Variants in ITPKB observed in about 807,000 individuals in gnomAD.
The protein encoded by ITPKB is inositol-trisphosphate 3-kinase B.
In ITPKB, 13 loss-of-function variants were observed where a neutral mutation model predicts 69.4. The observed-to-expected ratio is 0.19, with a 90% CI of 0.12 to 0.30. ITPKB has a LOEUF of 0.30. Among genes scored for constraint, ITPKB ranks in the 10% least tolerant of loss-of-function variants. The pLI is 1.00. For missense variants in ITPKB, 1,240 were observed against 1,250.5 expected, an observed-to-expected ratio of 0.99 and a Z score of 0.13; for synonymous variants, 584 against 513.7, an observed-to-expected ratio of 1.14 and a Z score of -1.85.
At chr1:226,707,489 G>A (rs929677447) in intron 2 of ITPKB, 36 of 977,302 alleles carry the variant, frequency 3.7e-5, no homozygotes, top group African/African-American at 7.0e-5. Context: ...GAGCCACTGC[G>A]CCTGGCCAAT....
chr1:226,684,306 T>C (rs74991754), intron 2 of ITPKB, among the ~76,000 whole-genome samples: 2,695 of 152,198 alleles, frequency 0.018, 39 homozygotes, highest in African/African-American at 0.035. Context: ...ATACTCACTG[T>C]CCAGCTGGCC....
chr1:226,658,712 T>C (rs976123265), intron 2 of ITPKB, among the ~76,000 whole-genome samples: 5 of 152,170 alleles, frequency 3.3e-5, no homozygotes, highest in Admixed American at 6.5e-5. Context: ...ACAGCGCTGC[T>C]CACCAGGCAC....
At chr1:226,700,247 G>T (rs1320197719) in intron 2 of ITPKB, among the ~76,000 whole-genome samples, 1 of 152,020 alleles carries the variant, frequency 6.6e-6, no homozygotes, top group Non-Finnish European at 1.5e-5. Context: ...CAGGCAGGCG[G>T]ATCACAAGGT....
intron 2 of ITPKB, among the ~76,000 whole-genome samples, chr1:226,689,189 G>A (rs1656286576): frequency 2.0e-5 from 3 of 152,206 alleles, no homozygotes; most frequent in East Asian, 1.9e-4. Context: ...GGGCAATGAC[G>A]AAAAAAGTAA....
intron 2 of ITPKB, among the ~76,000 whole-genome samples, chr1:226,692,079 C>T (rs1205143427): frequency 1.3e-5 from 2 of 152,200 alleles, no homozygotes; most frequent in Non-Finnish European, 2.9e-5. Context: ...CAAGGGCCTA[C>T]TACATGCAAG....
intron 2 of ITPKB, among the ~76,000 whole-genome samples, chr1:226,683,170 G>A (rs940756943): frequency 6.6e-5 from 10 of 152,210 alleles, no homozygotes; most frequent in African/African-American, 2.4e-4. Flanking sequence ...GGGAATGTGT[G>A]ACAACTGTCC....
At chr1:226,725,439 A>G (rs1293844765) in intron 2 of ITPKB, among the ~76,000 whole-genome samples, 1 of 152,262 alleles carries the variant, frequency 6.6e-6, no homozygotes, top group Non-Finnish European at 1.5e-5. Flanking sequence ...GGCACCCAGT[A>G]TATATCTACT....
chr1:226,692,290 T>C (rs1656376692), intron 2 of ITPKB, among the ~76,000 whole-genome samples: 1 of 152,126 alleles, frequency 6.6e-6, no homozygotes, highest in Admixed American at 6.5e-5. Context: ...TAATCCTGCT[T>C]GCCTGGCTTC....
At chr1:226,723,470 G>A (rs1657306057) in intron 2 of ITPKB, among the ~76,000 whole-genome samples, 1 of 152,172 alleles carries the variant, frequency 6.6e-6, no homozygotes, top group Non-Finnish European at 1.5e-5. Context: ...GCGGCACAGA[G>A]AAGAGACGAA....
chr1:226,711,442 AGTGT>A (rs57531406), intron 2 of ITPKB, among the ~76,000 whole-genome samples: 2,497 of 102,210 alleles, frequency 0.024, 27 homozygotes, highest in Middle Eastern at 0.035. Context: ...AGAGAGAGAG[AGTGT>A]GTGTGTGTGT....
intron 2 of ITPKB, among the ~76,000 whole-genome samples, chr1:226,732,655 G>C (rs1233191792): frequency 6.6e-6 from 1 of 150,742 alleles, no homozygotes; most frequent in Non-Finnish European, 1.5e-5. Context: ...TTTTAAGCCT[G>C]GTGTCTCAAT....
At chr1:226,688,362 T>C (rs957807902) in intron 2 of ITPKB, among the ~76,000 whole-genome samples, 2 of 152,120 alleles carry the variant, frequency 1.3e-5, no homozygotes, top group Admixed American at 1.3e-4. Flanking sequence ...ACTCAGAATG[T>C]AACCACCCCC....
chr1:226,675,984 G>A (rs1571853881), intron 2 of ITPKB: 1 of 152,158 alleles, frequency 6.6e-6, no homozygotes, highest in African/African-American at 2.4e-5. Context: ...TAACCAAAGT[G>A]GGGGGATCTC....
At position 226,634,661 on chromosome 1, in the gene ITPKB, C is replaced by T. The variant is rs753469188; in HGVS notation, c.*10G>A. 30 of 785,904 alleles carry T rather than the reference C, an allele frequency of 3.8e-5. No homozygotes were observed. Among genetic ancestry groups the T allele is most frequent in the Non-Finnish European group, 6.1e-5 (26 of 423,798 alleles). 48.7% of individuals were successfully genotyped at this position (785,904 alleles called of 1,614,324 possible). A position where few individuals can be genotyped will look rare whatever the true frequency, so the allele number is the denominator to read the frequency against. ...AGGCCCAGGCGGGGGCCAGGGAGGG[C>T]GTGGGCAGCTCAGGCGAGTGGGGCA... On this transcript the variant is annotated 3_prime_UTR_variant, in exon 8 of 8. Coordinates refer to ENST00000429204, the MANE Select transcript of ITPKB (RefSeq NM_002221.4). The surrounding 1 kb of genome is among the most constrained non-coding windows in gnomAD (Gnocchi z 6.3).
intron 2 of ITPKB, among the ~76,000 whole-genome samples, chr1:226,655,365 CT>C (rs1171035180): frequency 2.0e-5 from 3 of 152,222 alleles, no homozygotes; most frequent in African/African-American, 7.2e-5. Flanking sequence ...GCCCTGCCTC[CT>C]GGGGAGGAAA....
At chr1:226,651,649 G>A (rs1274967154) in intron 2 of ITPKB, among the ~76,000 whole-genome samples, 1 of 152,228 alleles carries the variant, frequency 6.6e-6, no homozygotes, top group Non-Finnish European at 1.5e-5. Context: ...AGTGAGCAGG[G>A]AGCCTGTGAC....
chr1:226,653,745 T>C (rs978006656), intron 2 of ITPKB, among the ~76,000 whole-genome samples: 1 of 152,174 alleles, frequency 6.6e-6, no homozygotes, highest in African/African-American at 2.4e-5. Context: ...TTTACTTTGA[T>C]TCTGGGCAGG....
chr1:226,636,870 T>C (rs746680742), intron 7 of ITPKB, among the ~76,000 whole-genome samples: 6 of 152,040 alleles, frequency 3.9e-5, no homozygotes, highest in Non-Finnish European at 7.4e-5. Context: ...TGAATACATG[T>C]GTGTGTTTGT....
In ITPKB at chr1:226,639,554, C is replaced by T. The variant is rs1266108587; in HGVS notation, c.2553+3G>A. 2 of 1,587,938 alleles carry T rather than the reference C, an allele frequency of 1.3e-6. No homozygotes were observed. Among genetic ancestry groups the T allele is most frequent in the Non-Finnish European group, 1.7e-6 (2 of 1,156,218 alleles). Reference sequence around the variant, plus strand: ...AGACCCTCTCTGGAGGTGCCAGACTCACCAGGATGTTATGGTTTCCTTTAG... The same window carrying T: ...AGACCCTCTCTGGAGGTGCCAGACTTACCAGGATGTTATGGTTTCCTTTAG... On this transcript the variant is annotated splice_donor_region_variant and intron_variant, in intron 6 of 7. Coordinates refer to ENST00000429204, the MANE Select transcript of ITPKB (RefSeq NM_002221.4).
Sources: allele counts gnomAD v4.1 joint callset (sites outside exome capture counted in the v4.1 genomes callset), GRCh38; gene constraint gnomAD v4.1.1; non-coding constraint Gnocchi (gnomAD v3.1); transcripts MANE v1.5; gene names NCBI Gene and HGNC (gene_info 2026-07-23, HGNC 2026-07-21).